The following MPRIP variants were observed in gnomAD, a reference collection of about 807,000 sequenced individuals.
The protein encoded by MPRIP is myosin phosphatase Rho-interacting protein.
MPRIP carries 59 observed loss-of-function variants against 234.9 expected under a neutral mutation model. The ratio of observed to expected loss-of-function variants is 0.25; its 90% CI spans 0.20 to 0.31. The LOEUF is 0.31. Among genes scored for constraint, MPRIP ranks in the 10% least tolerant of loss-of-function variants. The pLI is 1.00. For missense variants in MPRIP, 2,436 were observed against 3,071.0 expected (o/e 0.79, Z 4.89); for synonymous variants, 1,144 against 1,263.9 (o/e 0.91, Z 2.01).
Position 17,175,389 on chromosome 17 carries a change from G to T in MPRIP, c.6847G>T (p.Gly2283Cys), listed in dbSNP as rs2046233699. Residue 2283 changes from glycine (G) to cysteine (C), a missense_variant, in exon 20 of 24, where the codon GGC becomes TGC. This residue lies in a region of MPRIP where 1,998 missense variants were observed against 2,520.3 expected (regional missense o/e 0.79). Coordinates refer to ENST00000651222, the MANE Select transcript of MPRIP (RefSeq NM_001364716.4). ...GGCCACTGGGTCACCCCTTGCACAG[G>T]GCAAGGATGCCTATGAACTAGAGGT... ...GEATGSPLAQ[G>C]KDAYELEVLL... The T allele has an allele frequency of 6.2e-7, 1 of 1,612,318 alleles. No individual in the cohort carries two copies. Among genetic ancestry groups the T allele is most frequent in the Non-Finnish European group, 8.5e-7 (1 of 1,179,492 alleles).
intron 2 of MPRIP, 72 bp from the exon 3 acceptor site, chr17:17,077,939 G>A: frequency 6.8e-7 from 1 of 1,475,728 alleles, no homozygotes; most frequent in Non-Finnish European, 9.5e-7. Context: ...GTCAGACGTG[G>A]GAACTCCAGA....
rs1210309954 is a variant in MPRIP, at chr17:17,142,655, G to A, written c.1279G>A (p.Ala427Thr). The A allele has an allele frequency of 1.2e-6, 2 of 1,611,950 alleles. No individual in the cohort carries two copies. Among genetic ancestry groups the A allele is most frequent in the African/African-American group, 1.3e-5 (1 of 74,988 alleles). ...RRSQVIEKFE[A>T]LDIEKAEHME... ...GTCCCAGGTGATTGAAAAGTTTGAG[G>A]CCTTGGACATTGAGAAGGCAGAGCA... is the stretch of plus-strand genomic sequence containing the variant. Residue 427 changes from alanine to threonine, a missense_variant, in exon 8 of 24, where the codon GCC becomes ACC. This residue lies in a region of MPRIP where 267 missense variants were observed against 252.7 expected (regional missense o/e 1.06). Transcript: ENST00000651222.
intron 3 of MPRIP, among the ~76,000 whole-genome samples, chr17:17,125,607 A>G (rs1405859485): frequency 6.6e-6 from 1 of 152,134 alleles, no homozygotes; most frequent in East Asian, 1.9e-4. Context: ...TTCTGAAAGG[A>G]AGAAGGTCGG....
At position 17,167,014 on chromosome 17, in the gene MPRIP, C is replaced by T. The variant is rs755481819; in HGVS notation, c.5423C>T (p.Ser1808Leu). The change falls in exon 16 of 24, where the codon TCG (serine) becomes TTG (leucine). Residue 1808 changes from serine to leucine, a missense_variant. By Grantham distance (145) the Ser-to-Leu change is moderately radical. Coordinates refer to ENST00000651222, the MANE Select transcript of MPRIP (RefSeq NM_001364716.4). The surrounding 1 kb of genome is among the most constrained non-coding windows in gnomAD (Gnocchi z 5.9). ...TTACCATCTCTGCCACCTGTGGAAT[C>T]GCTGAGAGATTGCCAGAAGCTTCTC... ...AALPSLPPVE[S>L]LRDCQKLLQV... is the part of the protein sequence containing the mutation. 11 of 1,304,118 alleles carry T rather than the reference C, an allele frequency of 8.4e-6. No individual in the cohort carries two copies. The highest frequency in any genetic ancestry group is 6.2e-5 in the South Asian group (5 of 81,032). The allele number at this position is 1,304,118 out of a possible 1,614,324, so 80.8% of individuals were successfully genotyped here. A position where few individuals can be genotyped will look rare whatever the true frequency, so the allele number is the denominator to read the frequency against.
rs74563076 is a variant in MPRIP, at chr17:17,105,385, A to G, written c.268-21317A>G. Among the ~76,000 whole-genome samples the G allele has an allele frequency of 6.2e-3, 951 of 152,220 alleles. 10 individuals are homozygous for G. Among genetic ancestry groups the G allele is most frequent in the African/African-American group, 0.022 (907 of 41,530 alleles). Reference sequence around the variant, plus strand: ...ATTGTGGGGTCACATATCTTTCTACATCCATACTCCTAGGGAGGCGGAGTC... The same window carrying G: ...ATTGTGGGGTCACATATCTTTCTACGTCCATACTCCTAGGGAGGCGGAGTC... On this transcript the variant is annotated intron_variant, in intron 3 of 23. Transcript: ENST00000651222.
chr17:17,175,435 G>A, intron 20 of MPRIP, 23 bp downstream of exon 20: 1 of 1,581,708 alleles, frequency 6.3e-7, no homozygotes, highest in Non-Finnish European at 8.6e-7. Context: ...GCCAGGCCCT[G>A]CCTGACTCAG....
rs567699604 is a variant in MPRIP at position 17,107,729 on chromosome 17, C to T, written c.268-18973C>T. Reference sequence around the variant, plus strand: ...GATGGCGGGGGAAACCCAGAGATTCCTGTTGTGCATTGAGCTCGTTCTTGA... The same window carrying T: ...GATGGCGGGGGAAACCCAGAGATTCTTGTTGTGCATTGAGCTCGTTCTTGA... On this transcript the variant is annotated intron_variant, in intron 3 of 23. Transcript: ENST00000651222. 9.6e-4 allele frequency among the ~76,000 whole-genome samples: 146 copies of T among 152,344 alleles called. 1 individual carries two copies. Among genetic ancestry groups the T allele is most frequent in the Middle Eastern group, 3.4e-3 (1 of 294 alleles).
intron 13 of MPRIP, among the ~76,000 whole-genome samples, chr17:17,155,621 C>T (rs966550364): frequency 6.6e-6 from 1 of 152,242 alleles, no homozygotes; most frequent in Non-Finnish European, 1.5e-5. Flanking sequence ...GGAAAGAACT[C>T]CTAAATTGAT....
At chr17:17,156,288 T>C (rs1195198871) in intron 13 of MPRIP, among the ~76,000 whole-genome samples, 3 of 152,208 alleles carry the variant, frequency 2.0e-5, no homozygotes, top group South Asian at 4.1e-4. Context: ...CCCAGGGGAA[T>C]GAATGAGGAG....
At chr17:17,155,571 T>G (rs930201029) in intron 13 of MPRIP, among the ~76,000 whole-genome samples, 1 of 152,240 alleles carries the variant, frequency 6.6e-6, no homozygotes, top group African/African-American at 2.4e-5. Flanking sequence ...TCCAAACCTT[T>G]GCCTTCTTCC....
intron 9 of MPRIP, among the ~76,000 whole-genome samples, chr17:17,144,854 C>CA (rs1016661080): frequency 6.6e-6 from 1 of 151,862 alleles, no homozygotes; most frequent in African/African-American, 2.4e-5. Context: ...GACTCCGTCT[C>CA]AAAAAAAAGA....
Position 17,165,894 on chromosome 17 carries a change from G to A in MPRIP, c.4303G>A (p.Ala1435Thr), listed in dbSNP as rs761639994. The A allele has an allele frequency of 6.9e-6, 9 of 1,303,942 alleles. No individual in the cohort carries two copies. Among genetic ancestry groups the A allele is most frequent in the South Asian group, 2.5e-5 (2 of 80,980 alleles). 80.8% of individuals were successfully genotyped at this position (1,303,942 alleles called of 1,614,324 possible). Residue 1435 changes from alanine (A) to threonine (T), a missense_variant, in exon 16 of 24, where the codon GCC (alanine) becomes ACC (threonine). Around this residue, in one of 4 missense-constraint regions of MPRIP, gnomAD observed 1,998 missense variants for 2,520.3 expected, o/e 0.79. Transcript: ENST00000651222. The stretch of plus-strand genomic sequence containing the variant: ...GGCCCAGCTGCGTGAGCAGCTCCGC[G>A]CCAGCCTGCTCCAGGTTGGCGCACT... ...TEAQLREQLR[A>T]SLLQVGALAS...
At position 17,166,906 on chromosome 17, in the gene MPRIP, C is replaced by G. The variant is rs2046012391; in HGVS notation, c.5315C>G (p.Pro1772Arg). ...CCCTTCGATGTGTCTGACCAGAGCC[C>G]TGGGGCCTTTGTTGCTATTCAGGAG... ...QEPFDVSDQS[P>R]GAFVAIQEEL... is the part of the protein sequence containing the mutation. Residue 1772 changes from proline (P) to arginine (R), a missense_variant, in exon 16 of 24, where the codon CCT becomes CGT. Around this residue, in one of 4 missense-constraint regions of MPRIP, gnomAD observed 1,998 missense variants for 2,520.3 expected, o/e 0.79. Transcript: ENST00000651222. This position sits in a 1 kb window ranked among gnomAD's most constrained non-coding sequence, Gnocchi z 4.4. 4.6e-6 allele frequency: 6 copies of G among 1,304,096 alleles called. No individual in the cohort carries two copies. In the Admixed American group the frequency reaches 1.4e-4, roughly 30 times the overall value. The allele number at this position is 1,304,096 out of a possible 1,614,324, so 80.8% of individuals were successfully genotyped here. A position where few individuals can be genotyped will look rare whatever the true frequency, so the allele number is the denominator to read the frequency against.
chr17:17,143,553 C>T lies in MPRIP; in HGVS notation c.1390-3C>T, dbSNP rs770471677. ...ACTGACCAGCGGCTGCTCTCTGCCA[C>T]AGGACTTCACCAATGAAGCCCCCCC... On this transcript the variant is annotated splice_polypyrimidine_tract_variant and splice_region_variant and intron_variant, in intron 8 of 23. Coordinates refer to ENST00000651222, the MANE Select transcript of MPRIP (RefSeq NM_001364716.4). 4 of 1,587,502 alleles carry T rather than the reference C, an allele frequency of 2.5e-6. No homozygotes were observed. Among genetic ancestry groups the T allele is most frequent in the South Asian group, 2.3e-5 (2 of 86,636 alleles).
At chr17:17,103,781 T>C (rs1004277345) in intron 3 of MPRIP, among the ~76,000 whole-genome samples, 1 of 152,256 alleles carries the variant, frequency 6.6e-6, no homozygotes, top group Non-Finnish European at 1.5e-5. Context: ...TTAAAAATGC[T>C]GTCCTACATC....
intron 12 of MPRIP, among the ~76,000 whole-genome samples, chr17:17,153,311 C>T (rs1266415777): frequency 2.0e-5 from 3 of 152,278 alleles, no homozygotes; most frequent in Middle Eastern, 3.4e-3. Context: ...TGATTGCATC[C>T]TGCCGTCAGC....
At chr17:17,181,728 C>A (rs1379956495) in intron 23 of MPRIP, 2 of 152,212 alleles carry the variant, frequency 1.3e-5, no homozygotes, top group East Asian at 1.9e-4. Context: ...GGCTTTTGGA[C>A]CATGTCTATA....
At chr17:17,146,154 C>A (rs2045460679) in intron 10 of MPRIP, 62 bp downstream of exon 10, 3 of 1,495,096 alleles carry the variant, frequency 2.0e-6, no homozygotes, top group Non-Finnish European at 2.8e-6. Context: ...GGTGAGCTGT[C>A]CTTGTCCCCA....
intron 3 of MPRIP, among the ~76,000 whole-genome samples, chr17:17,101,482 A>G (rs966935363): frequency 6.6e-6 from 1 of 152,230 alleles, no homozygotes; most frequent in Non-Finnish European, 1.5e-5. Context: ...AGGCAGGAGA[A>G]TCGCTTGAAC....
Sources: allele counts gnomAD v4.1 joint callset (sites outside exome capture counted in the v4.1 genomes callset), GRCh38; gene constraint gnomAD v4.1.1; regional missense constraint gnomAD v4.1.1; non-coding constraint Gnocchi (gnomAD v3.1); transcripts MANE v1.5; gene names NCBI Gene and HGNC (gene_info 2026-07-23, HGNC 2026-07-21).